Variants in ACTR3 observed in about 807,000 individuals in gnomAD.
ACTR3 encodes actin-related protein 3.
Under a neutral mutation model 56.8 loss-of-function variants are expected in ACTR3, and 12 were observed. That is an observed-to-expected ratio of 0.21 (90% confidence interval 0.14 to 0.34). The LOEUF is 0.34. ACTR3 is among the 10% of genes least tolerant of loss of function. The probability of loss-of-function intolerance (pLI) is 1.00; values close to 1 mark genes in which losing one functional copy is unlikely to be tolerated. For missense variants in ACTR3, 282 were observed against 512.5 expected (o/e 0.55, Z 4.34); for synonymous variants, 162 against 167.4 (o/e 0.97, Z 0.25).
chr2:113,924,887 CTATT>C (rs139963909), intron 3 of ACTR3, among the ~76,000 whole-genome samples: 24,405 of 149,952 alleles, frequency 0.16, 3,582 homozygotes, highest in African/African-American at 0.37. Flanking sequence ...ATTCAAGGAA[CTATT>C]TATTTATTTA....
intron 3 of ACTR3, among the ~76,000 whole-genome samples, chr2:113,927,079 A>G (rs1390039123): frequency 6.6e-6 from 1 of 152,188 alleles, no homozygotes; most frequent in African/African-American, 2.4e-5. Context: ...GACTAGTACA[A>G]TGGTCTTCCA....
chr2:113,890,445 C>T (rs1257703918), intron 1 of ACTR3, 122 bp downstream of exon 1: 8 of 1,296,546 alleles, frequency 6.2e-6, no homozygotes, highest in African/African-American at 6.2e-5. Context: ...CAGTCCTAGA[C>T]CCGCCGGCCA....
In ACTR3 at chr2:113,958,060, T is replaced by G. The variant is rs1680255305; in HGVS notation, c.*605T>G. ...GGAACTAAGAGCTAGTATCTTGGAT[T>G]AACTGATGCCTGCTAGTGCTTTCTG... On this transcript the variant is annotated 3_prime_UTR_variant, in exon 12 of 12. Transcript: ENST00000263238. 6.6e-6 allele frequency: 1 copy of G among 152,520 alleles called. No individual in the cohort carries two copies. The highest frequency in any genetic ancestry group is 1.5e-5 in the Non-Finnish European group (1 of 68,092). The allele number at this position is 152,520 out of a possible 1,614,324, so 9.4% of individuals were successfully genotyped here.
intron 1 of ACTR3, among the ~76,000 whole-genome samples, chr2:113,901,919 T>C (rs1392125283): frequency 4.6e-5 from 7 of 152,222 alleles, no homozygotes; most frequent in East Asian, 3.8e-4. Flanking sequence ...TTAAAAATAA[T>C]ATCCAAGGCA....
intron 6 of ACTR3, among the ~76,000 whole-genome samples, chr2:113,938,222 C>T (rs947956661): frequency 6.6e-6 from 1 of 152,050 alleles, no homozygotes; most frequent in African/African-American, 2.4e-5. Flanking sequence ...CCATTTCTCT[C>T]TTCCTCATCC....
intron 1 of ACTR3, among the ~76,000 whole-genome samples, chr2:113,902,060 C>T (rs1484791662): frequency 1.3e-5 from 2 of 152,118 alleles, no homozygotes; most frequent in African/African-American, 2.4e-5. Context: ...AATTATGACC[C>T]GTGAACATTT....
intron 10 of ACTR3, 86 bp downstream of exon 10, chr2:113,951,931 TAGAA>T: frequency 6.5e-7 from 1 of 1,546,506 alleles, no homozygotes; most frequent in South Asian, 1.2e-5. Flanking sequence ...CACTCTGATT[TAGAA>T]AAATAAGAGG....
chr2:113,929,541 C>T (rs28376055), intron 4 of ACTR3, among the ~76,000 whole-genome samples: 18,576 of 152,112 alleles, frequency 0.12, 1,789 homozygotes, highest in African/African-American at 0.27. Context: ...TATGGAATTG[C>T]AGCGTCATAG....
At chr2:113,956,704 A>T in intron 11 of ACTR3, among the ~76,000 whole-genome samples, 1 of 152,234 alleles carries the variant, frequency 6.6e-6, no homozygotes, top group East Asian at 1.9e-4. Context: ...CTGGTAGTGC[A>T]TGCAATATTA....
At chr2:113,904,490 C>T (rs895872643) in intron 1 of ACTR3, 2 of 152,078 alleles carry the variant, frequency 1.3e-5, no homozygotes, top group Non-Finnish European at 2.9e-5. Context: ...CTTGTTTATT[C>T]GTTCTCTTGT....
At chr2:113,937,072 A>G (rs1203458307) in intron 6 of ACTR3, among the ~76,000 whole-genome samples, 2 of 152,098 alleles carry the variant, frequency 1.3e-5, no homozygotes, top group African/African-American at 4.8e-5. Flanking sequence ...GGGAGGAAAA[A>G]CACAATTTAC....
intron 8 of ACTR3, among the ~76,000 whole-genome samples, chr2:113,944,638 T>C (rs1447591176): frequency 2.6e-4 from 38 of 146,188 alleles, no homozygotes; most frequent in African/African-American, 9.6e-4. Flanking sequence ...GGTGGGCGCC[T>C]GTAGTCCCAG....
At chr2:113,912,298 A>G (rs1318054232) in intron 1 of ACTR3, among the ~76,000 whole-genome samples, 12 of 152,198 alleles carry the variant, frequency 7.9e-5, no homozygotes, top group Non-Finnish European at 2.9e-5. Flanking sequence ...GGAATAATAT[A>G]AAATGTTACA....
intron 2 of ACTR3, among the ~76,000 whole-genome samples, chr2:113,914,568 G>A (rs1444230647): frequency 7.0e-6 from 1 of 142,666 alleles, no homozygotes; most frequent in Admixed American, 7.3e-5. Flanking sequence ...CTGAGATGGC[G>A]CCACTGCATT....
At chr2:113,890,759 A>G (rs559926154) in intron 1 of ACTR3, 11 of 1,032,700 alleles carry the variant, frequency 1.1e-5, no homozygotes, top group African/African-American at 1.0e-4. Flanking sequence ...CAGGGGAGCT[A>G]GAAAAGAGAA....
intron 8 of ACTR3, among the ~76,000 whole-genome samples, chr2:113,947,750 C>T (rs1162471116): frequency 6.6e-6 from 1 of 152,098 alleles, no homozygotes; most frequent in African/African-American, 2.4e-5. Flanking sequence ...TGTCTTGCTG[C>T]TAATGTTTCA....
chr2:113,940,244 C>T, intron 7 of ACTR3, 142 bp downstream of exon 7: 2 of 631,740 alleles, frequency 3.2e-6, no homozygotes, highest in Non-Finnish European at 4.8e-6. Context: ...AATATATTTA[C>T]ATTTTCTTTG....
intron 2 of ACTR3, 126 bp from the exon 3 acceptor site, chr2:113,916,758 T>C (rs1679411878): frequency 1.4e-6 from 1 of 720,832 alleles, no homozygotes; most frequent in Non-Finnish European, 2.0e-6. Flanking sequence ...TGTGAATTAG[T>C]TTGACAATTT....
chr2:113,921,171 G>T (rs1328543978), intron 3 of ACTR3, among the ~76,000 whole-genome samples: 1 of 151,992 alleles, frequency 6.6e-6, no homozygotes. Flanking sequence ...TCTAACTATG[G>T]TGAGACGGTA....
Sources: gnomAD v4.1 joint callset for allele counts (sites outside exome capture counted in the v4.1 genomes callset) on GRCh38, gnomAD v4.1.1 for gene constraint, MANE v1.5 for transcripts, NCBI Gene and HGNC (gene_info 2026-07-23, HGNC 2026-07-21) for gene names.